Variants in MTUS2 observed in about 807,000 individuals in gnomAD.
MTUS2 encodes microtubule-associated tumor suppressor candidate 2.
Under a neutral mutation model 114.1 loss-of-function variants are expected in MTUS2, and 40 were observed. The ratio of observed to expected loss-of-function variants is 0.35; its 90% CI spans 0.27 to 0.46. The LOEUF is 0.46. MTUS2 is among the 20% of genes least tolerant of loss of function. MTUS2 has a pLI of 1.00. For synonymous variants in MTUS2, 688 were observed against 672.0 expected (o/e 1.02, Z -0.37); for missense variants, 1,679 against 1,705.4 (o/e 0.98, Z 0.27).
intron 5 of MTUS2, among the ~76,000 whole-genome samples, chr13:29,133,724 C>T (rs971014029): frequency 6.6e-6 from 1 of 152,196 alleles, no homozygotes; most frequent in Admixed American, 6.5e-5. Flanking sequence ...TATCTTTTTG[C>T]AGTACCACAC....
intron 9 of MTUS2, among the ~76,000 whole-genome samples, chr13:29,446,061 C>T (rs539792516): frequency 2.4e-4 from 36 of 152,184 alleles, no homozygotes; most frequent in African/African-American, 8.7e-4. Flanking sequence ...AACAGGGACC[C>T]TACCCTAAGT....
At chr13:29,329,939 T>C (rs1900698503) in intron 7 of MTUS2, among the ~76,000 whole-genome samples, 1 of 152,188 alleles carries the variant, frequency 6.6e-6, no homozygotes, top group Non-Finnish European at 1.5e-5. Flanking sequence ...ATAGAATGAT[T>C]GATAATTCTT....
chr13:29,125,311 T>C (rs1306046820), intron 5 of MTUS2, among the ~76,000 whole-genome samples: 2 of 152,214 alleles, frequency 1.3e-5, no homozygotes, highest in Non-Finnish European at 2.9e-5. Context: ...GGGTATGTGA[T>C]AGGCATCACA....
chr13:29,025,913 G>C lies in MTUS2; in HGVS notation c.1215G>C (p.Gly405=). ...TPKQGSASLG[G]ADNQPTGKIS... is the part of the protein sequence containing the mutation. ...AACAGGGCTCTGCTTCCTTAGGAGG[G>C]GCTGATAATCAGCCCACTGGCAAAA... is the stretch of plus-strand genomic sequence containing the variant. Residue 405 remains glycine, a synonymous_variant, in exon 3 of 16, where the codon GGG becomes GGC. Coordinates refer to ENST00000612955, the MANE Select transcript of MTUS2 (RefSeq NM_001033602.4). The C allele has an allele frequency of 6.2e-7, 1 of 1,613,754 alleles. No homozygotes were observed.
chr13:29,322,804 C>T (rs1900309219), intron 6 of MTUS2, among the ~76,000 whole-genome samples: 1 of 152,056 alleles, frequency 6.6e-6, no homozygotes, highest in African/African-American at 2.4e-5. Flanking sequence ...GTTTGGGGAC[C>T]AACAAGGCTG....
intron 3 of MTUS2, among the ~76,000 whole-genome samples, chr13:29,030,886 A>T (rs919468852): frequency 3.9e-5 from 6 of 152,164 alleles, no homozygotes. Flanking sequence ...CTCTTTTCCC[A>T]ATTGGCAGGA....
intron 5 of MTUS2, among the ~76,000 whole-genome samples, chr13:29,115,382 C>T (rs1317017054): frequency 6.6e-6 from 1 of 152,198 alleles, no homozygotes; most frequent in Non-Finnish European, 1.5e-5. Flanking sequence ...GTCCTATGTG[C>T]ATGTGTGAAT....
intron 6 of MTUS2, among the ~76,000 whole-genome samples, chr13:29,309,958 A>C (rs1899676439): frequency 6.6e-6 from 1 of 152,110 alleles, no homozygotes; most frequent in African/African-American, 2.4e-5. Context: ...TAAATATACA[A>C]AAAATTATTG....
chr13:29,478,307 T>C (rs920460659), intron 9 of MTUS2, among the ~76,000 whole-genome samples: 13 of 152,230 alleles, frequency 8.5e-5, no homozygotes, highest in African/African-American at 3.1e-4. Flanking sequence ...CTGATTTTCA[T>C]GACAGTGCGG....
intron 2 of MTUS2, among the ~76,000 whole-genome samples, chr13:28,889,230 T>A (rs1878775725): frequency 6.6e-6 from 1 of 152,056 alleles, no homozygotes. Flanking sequence ...AAAGAAAGGA[T>A]CTCATGTTGG....
intron 6 of MTUS2, among the ~76,000 whole-genome samples, chr13:29,286,678 C>CTATCTATCTATCTATCTATT (rs60054481): frequency 1.3e-5 from 2 of 150,910 alleles, no homozygotes; most frequent in African/African-American, 4.9e-5. Context: ...GTCTGTCTAT[C>CTATCTATCTATCTATCTATT]TATCTATCTA....
At chr13:29,342,956 C>T (rs1391123533) in intron 7 of MTUS2, among the ~76,000 whole-genome samples, 4 of 151,978 alleles carry the variant, frequency 2.6e-5, no homozygotes, top group African/African-American at 9.7e-5. Flanking sequence ...TATGGTGTAT[C>T]ACATTTATTG....
At chr13:29,047,787 G>A (rs377620192) in intron 4 of MTUS2, among the ~76,000 whole-genome samples, 33 of 152,292 alleles carry the variant, frequency 2.2e-4, no homozygotes, top group African/African-American at 7.7e-4. Context: ...TGGGATTACA[G>A]GCGTGAGCCA....
At chr13:29,343,002 A>T (rs1274257777) in intron 7 of MTUS2, among the ~76,000 whole-genome samples, 1 of 152,144 alleles carries the variant, frequency 6.6e-6, no homozygotes, top group African/African-American at 2.4e-5. Context: ...CATCTATAGT[A>T]TGAAACCCAC....
At position 28,906,208 on chromosome 13, in the gene MTUS2, C is replaced by G. The variant is rs1880000665; in HGVS notation, c.-243+66358C>G. Among the ~76,000 whole-genome samples, 2 of 151,402 alleles carry G rather than the reference C, an allele frequency of 1.3e-5. 1 individual carries two copies. Among genetic ancestry groups the G allele is most frequent in the Admixed American group, 1.3e-4 (2 of 15,222 alleles). ...TGTTGATCTTTTCAAAAATCCAGCT[C>G]CTGGATTCATTAATTTTTTGAAGTG... On this transcript the variant is annotated intron_variant, in intron 2 of 15. Transcript: ENST00000612955.
chr13:29,374,532 G>A (rs531922522), intron 8 of MTUS2, among the ~76,000 whole-genome samples: 1 of 152,278 alleles, frequency 6.6e-6, no homozygotes, highest in South Asian at 2.1e-4. Flanking sequence ...TGAAGACAGT[G>A]GCACATTTTC....
intron 2 of MTUS2, among the ~76,000 whole-genome samples, chr13:28,932,662 C>A (rs1372840735): frequency 6.6e-6 from 1 of 152,168 alleles, no homozygotes; most frequent in Non-Finnish European, 1.5e-5. Flanking sequence ...TGAGTGCAGC[C>A]TGGACCAGCT....
intron 8 of MTUS2, among the ~76,000 whole-genome samples, chr13:29,367,940 T>C (rs1870862626): frequency 4.3e-5 from 3 of 69,954 alleles, no homozygotes; most frequent in Non-Finnish European, 9.3e-5. Flanking sequence ...TAGAATCTAC[T>C]TCTTTTTTTT....
At chr13:28,996,848 A>G (rs1027101906) in intron 2 of MTUS2, among the ~76,000 whole-genome samples, 2 of 152,154 alleles carry the variant, frequency 1.3e-5, no homozygotes, top group African/African-American at 4.8e-5. Context: ...TCAAAAAACC[A>G]GCTCCTGGAT....
Sources: gnomAD v4.1 joint callset for allele counts (sites outside exome capture counted in the v4.1 genomes callset) on GRCh38, gnomAD v4.1.1 for gene constraint, MANE v1.5 for transcripts, NCBI Gene and HGNC (gene_info 2026-07-23, HGNC 2026-07-21) for gene names.